The following RNF220 variants were observed in gnomAD, a reference collection of about 807,000 sequenced individuals.
The protein encoded by RNF220 is E3 ubiquitin-protein ligase RNF220.
A neutral mutation model predicts 67.1 loss-of-function variants in RNF220; 7 were observed. The ratio of observed to expected loss-of-function variants is 0.10; its 90% confidence interval spans 0.06 to 0.20. RNF220 has a LOEUF of 0.20. Among genes scored for constraint, RNF220 ranks in the 10% least tolerant of loss-of-function variants. The pLI is 1.00. For synonymous variants in RNF220, 270 were observed against 283.2 expected (o/e 0.95, Z 0.47); for missense variants, 565 against 740.3 (o/e 0.76, Z 2.75).
chr1:44,412,368 T>C lies in RNF220; in HGVS notation c.271T>C (p.Ser91Pro). The C allele has an allele frequency of 1.2e-6, 2 of 1,614,080 alleles. No homozygotes were observed. Among genetic ancestry groups the C allele is most frequent in the Non-Finnish European group, 1.7e-6 (2 of 1,180,008 alleles). Reference protein sequence around the residue: ...GTFANRDFPPSLLHLHPQFAP... With the variant: ...GTFANRDFPPPLLHLHPQFAP... ...TTTTGCCAATCGTGATTTCCCCCCT[T>C]CTCTACTACACCTCCACCCTCAATT... Residue 91 changes from serine to proline, a missense_variant, in exon 2 of 15, where the codon TCT (serine) becomes CCT (proline). Transcript: ENST00000361799. This position sits in a 1 kb window ranked among gnomAD's most constrained non-coding sequence, Gnocchi z 5.3.
chr1:44,549,706 T>G (rs1662466992), intron 2 of RNF220, among the ~76,000 whole-genome samples: 1 of 152,054 alleles, frequency 6.6e-6, no homozygotes, highest in Non-Finnish European at 1.5e-5. Context: ...GGGAAAACAA[T>G]GATCCTCCAG....
rs1439276557 is a variant in RNF220, at chr1:44,405,801, G to C, written c.-118+271G>C. Among the ~76,000 whole-genome samples the C allele has an allele frequency of 2.0e-5, 3 of 151,798 alleles. No individual in the cohort carries two copies. In the East Asian group the frequency reaches 5.8e-4, roughly 29 times the overall value. On this transcript the variant is annotated intron_variant, in intron 1 of 14. Coordinates refer to ENST00000361799, the MANE Select transcript of RNF220 (RefSeq NM_018150.4). ...GAGTTTTCCTTAATGTGTTTTATTT[G>C]GGGAGGGGGGGAGGTGCAAGGGGGA...
chr1:44,543,210 C>A (rs1013657416), intron 2 of RNF220, among the ~76,000 whole-genome samples: 1 of 152,136 alleles, frequency 6.6e-6, no homozygotes, highest in African/African-American at 2.4e-5. Context: ...TCAGACCCCC[C>A]ACCTTCGCCG....
At chr1:44,434,382 CAT>C (rs1360836904) in intron 2 of RNF220, among the ~76,000 whole-genome samples, 1 of 152,138 alleles carries the variant, frequency 6.6e-6, no homozygotes, top group Non-Finnish European at 1.5e-5. Context: ...GTGTTTTAAA[CAT>C]AAATCACCAT....
chr1:44,447,765 C>G (rs768612130), intron 2 of RNF220, among the ~76,000 whole-genome samples: 4 of 152,188 alleles, frequency 2.6e-5, no homozygotes, highest in Non-Finnish European at 4.4e-5. Flanking sequence ...TTGCCCACTG[C>G]CACTCTGCTG....
At chr1:44,631,823 T>C (rs1644133543) in intron 5 of RNF220, 31 of 838,234 alleles carry the variant, frequency 3.7e-5, no homozygotes, top group Non-Finnish European at 4.3e-5. Flanking sequence ...GTGGGTAGGC[T>C]TCACGGGCGG....
intron 2 of RNF220, among the ~76,000 whole-genome samples, chr1:44,433,936 T>C (rs1459375724): frequency 1.3e-5 from 2 of 152,158 alleles, no homozygotes; most frequent in Non-Finnish European, 2.9e-5. Flanking sequence ...TTCTCCAGCC[T>C]GGGTGACAGA....
chr1:44,603,555 C>G (rs1010015069), intron 2 of RNF220, among the ~76,000 whole-genome samples: 2 of 152,252 alleles, frequency 1.3e-5, no homozygotes. Flanking sequence ...AGGTGAAGGT[C>G]TCCCATTAAT....
chr1:44,635,774 C>A, intron 7 of RNF220, 186 bp downstream of exon 7: 1 of 1,393,258 alleles, frequency 7.2e-7, no homozygotes, highest in South Asian at 1.4e-5. Flanking sequence ...GTGGTCTCAG[C>A]AGCTTCTTCC....
chr1:44,515,590 C>T (rs1242101228), intron 2 of RNF220, among the ~76,000 whole-genome samples: 1 of 152,168 alleles, frequency 6.6e-6, no homozygotes, highest in Admixed American at 6.5e-5. Context: ...AGTCAAAGCT[C>T]TTCAGACCTA....
At chr1:44,493,947 C>T (rs147975946) in intron 2 of RNF220, among the ~76,000 whole-genome samples, 17 of 152,264 alleles carry the variant, frequency 1.1e-4, no homozygotes, top group Non-Finnish European at 2.5e-4. Context: ...TAGTTCATGC[C>T]TGTAATCCCA....
intron 2 of RNF220, among the ~76,000 whole-genome samples, chr1:44,574,170 T>C (rs182103000): frequency 1.3e-5 from 2 of 152,224 alleles, no homozygotes; most frequent in Admixed American, 1.3e-4. Flanking sequence ...AATGAATGAA[T>C]AAATAAATAA....
intron 2 of RNF220, among the ~76,000 whole-genome samples, chr1:44,462,662 T>C (rs1653892673): frequency 6.6e-6 from 1 of 152,228 alleles, no homozygotes; most frequent in Non-Finnish European, 1.5e-5. Flanking sequence ...GGATTTTCTA[T>C]TTTCTTTATA....
intron 2 of RNF220, among the ~76,000 whole-genome samples, chr1:44,577,762 T>C (rs571644132): frequency 6.6e-6 from 1 of 152,040 alleles, no homozygotes; most frequent in Non-Finnish European, 1.5e-5. Flanking sequence ...GGTCAGGAGT[T>C]TGAGACCCAC....
intron 2 of RNF220, among the ~76,000 whole-genome samples, chr1:44,554,048 A>C (rs1223873454): frequency 6.6e-6 from 1 of 152,192 alleles, no homozygotes; most frequent in African/African-American, 2.4e-5. Flanking sequence ...GTCAAACCCC[A>C]TAGGAATCCT....
At chr1:44,482,668 C>G (rs1296424783) in intron 2 of RNF220, among the ~76,000 whole-genome samples, 1 of 151,942 alleles carries the variant, frequency 6.6e-6, no homozygotes, top group Admixed American at 6.6e-5. Flanking sequence ...GTCACCCAGT[C>G]TGGAGTGCCG....
intron 2 of RNF220, among the ~76,000 whole-genome samples, chr1:44,511,640 AG>A (rs1659002148): frequency 6.6e-6 from 1 of 152,256 alleles, no homozygotes; most frequent in Non-Finnish European, 1.5e-5. Context: ...TCAGCAAGCC[AG>A]GATGACATCC....
intron 8 of RNF220, among the ~76,000 whole-genome samples, chr1:44,636,686 G>C (rs552734995): frequency 6.6e-6 from 1 of 152,210 alleles, no homozygotes; most frequent in Non-Finnish European, 1.5e-5. Context: ...AGCTTCATTG[G>C]TGAATCTAAT....
chr1:44,538,542 A>G (rs544531857), intron 2 of RNF220, among the ~76,000 whole-genome samples: 260 of 152,296 alleles, frequency 1.7e-3, no homozygotes, highest in African/African-American at 5.8e-3. Flanking sequence ...GGAATTGCCA[A>G]ATTCTGTGGA....
Sources: allele counts gnomAD v4.1 joint callset (sites outside exome capture counted in the v4.1 genomes callset), GRCh38; gene constraint gnomAD v4.1.1; non-coding constraint Gnocchi (gnomAD v3.1); transcripts MANE v1.5; gene names NCBI Gene and HGNC (gene_info 2026-07-23, HGNC 2026-07-21).